FMO2: variants seen among roughly 807,000 people sequenced by gnomAD.
FMO2 encodes the protein flavin containing dimethylaniline monoxygenase 2, also known as flavin-containing monooxygenase 2.
A neutral mutation model predicts 41.6 loss-of-function variants in FMO2; 33 were observed. The observed-to-expected ratio is 0.79, with a 90% CI of 0.60 to 1.06. The LOEUF (loss-of-function observed/expected upper bound fraction) is 1.06. Ranked by LOEUF, FMO2 falls within the 50% of genes least tolerant of loss-of-function variation. FMO2 has a pLI of 0.00. For synonymous variants in FMO2, 214 were observed against 219.6 expected, an observed-to-expected ratio of 0.97 and a Z score of 0.23; for missense variants, 619 against 632.9, an observed-to-expected ratio of 0.98 and a Z score of 0.23.
Position 171,205,369 on chromosome 1 carries a change from C to G in FMO2, c.918C>G (p.Leu306=). Residue 306 remains leucine, a synonymous_variant, in exon 7 of 9, where the codon CTC becomes CTG. Transcript: ENST00000209929. The stretch of plus-strand genomic sequence containing the variant: ...AGGTGAAATCTACAGTGAAAGAGCT[C>G]ACAGAAACTTCTGCCATCTTTGAGG... ...AIKVKSTVKE[L]TETSAIFEDG... 1 of 1,613,806 alleles carries G rather than the reference C, an allele frequency of 6.2e-7. No homozygotes were observed. The highest frequency in any genetic ancestry group is 8.5e-7 in the Non-Finnish European group (1 of 1,179,830).
intron 8 of FMO2, among the ~76,000 whole-genome samples, chr1:171,208,107 C>G (rs1658839080): frequency 6.6e-6 from 1 of 152,168 alleles, no homozygotes. Flanking sequence ...TCTCAAGCCA[C>G]CTACACTCTG....
At position 171,205,534 on chromosome 1, in the gene FMO2, G is replaced by A. The variant is rs151070773; in HGVS notation, c.1083G>A (p.Leu361=). 2.5e-4 allele frequency: 411 copies of A among 1,613,696 alleles called. No homozygotes were observed. The highest frequency in any genetic ancestry group is 3.0e-4 in the Non-Finnish European group (358 of 1,179,860). Residue 361 remains leucine (L), a synonymous_variant, in exon 7 of 9, where the codon CTG becomes CTA. Transcript: ENST00000209929. Reference sequence around the variant, plus strand: ...ATAAATACATATTCCCCGCTCACCTGGACAAGTCAACCCTCGCGTGCATTG... The same window carrying A: ...ATAAATACATATTCCCCGCTCACCTAGACAAGTCAACCCTCGCGTGCATTG... ...SLYKYIFPAH[L]DKSTLACIGL... is the part of the protein sequence containing the mutation.
chr1:171,209,784 A>G lies in FMO2; in HGVS notation c.*639A>G, dbSNP rs1658909027. 2.6e-5 allele frequency: 4 copies of G among 152,350 alleles called. No homozygotes were observed. The South Asian group carries it at 8.3e-4, about 32-fold the overall frequency. The allele number at this position is 152,350 out of a possible 1,614,324, so 9.4% of individuals were successfully genotyped here. On this transcript the variant is annotated 3_prime_UTR_variant, in exon 9 of 9. Coordinates refer to ENST00000209929, the MANE Select transcript of FMO2 (RefSeq NM_001460.5). ...CTGGAAAAATTAAAATTAAAATGCCATAATAGCTACCTAACAAATATATAT... is the reference window on the plus strand; with the variant it reads ...CTGGAAAAATTAAAATTAAAATGCCGTAATAGCTACCTAACAAATATATAT...
intron 3 of FMO2, among the ~76,000 whole-genome samples, chr1:171,193,754 T>G (rs1399687390): frequency 6.6e-6 from 1 of 151,072 alleles, no homozygotes; most frequent in Non-Finnish European, 1.5e-5. Context: ...AAGGTTTGAA[T>G]AATAATATAT....
Position 171,199,499 on chromosome 1 carries a change from C to G in FMO2, c.627+11C>G. ...AAGAATGCTGCTCAGGTGTGATGCT[C>G]TCTGCTTACCATGTACCTGGAGGGG... On this transcript the variant is annotated intron_variant, in intron 5 of 8. Transcript: ENST00000209929. 1.3e-6 allele frequency: 2 copies of G among 1,589,102 alleles called. No homozygotes were observed. The highest frequency in any genetic ancestry group is 8.6e-7 in the Non-Finnish European group (1 of 1,169,380).
Position 171,199,234 on chromosome 1 carries a change from G to A in FMO2, c.485-112G>A, listed in dbSNP as rs376984245. 4.4e-5 allele frequency: 48 copies of A among 1,096,522 alleles called. No homozygotes were observed. The African/African-American group carries it at 6.9e-4, about 16-fold the overall frequency. The allele number at this position is 1,096,522 out of a possible 1,614,324, so 67.9% of individuals were successfully genotyped here. A position where few individuals can be genotyped will look rare whatever the true frequency, so the allele number is the denominator to read the frequency against. ...TGTGCTTTACTCCTATAGAGAAGAG[G>A]CAAAACAAATTATTAACTCCAGAAA... On this transcript the variant is annotated intron_variant, in intron 4 of 8. Transcript: ENST00000209929.
chr1:171,205,805 A>G (rs1658739244), intron 7 of FMO2, among the ~76,000 whole-genome samples, 171 bp downstream of exon 7: 1 of 152,214 alleles, frequency 6.6e-6, no homozygotes. Flanking sequence ...AAAGAATAAC[A>G]AATACAGGAA....
intron 3 of FMO2, 83 bp downstream of exon 3, chr1:171,193,606 A>T: frequency 2.2e-6 from 2 of 904,022 alleles, no homozygotes; most frequent in East Asian, 5.1e-5. Context: ...TAATGAAAGC[A>T]ATTATGAATG....
At chr1:171,205,006 G>A (rs1021474616) in intron 6 of FMO2, among the ~76,000 whole-genome samples, 3 of 152,052 alleles carry the variant, frequency 2.0e-5, no homozygotes, top group African/African-American at 7.2e-5. Flanking sequence ...ATAGGCACAG[G>A]CATTTTGTCT....
intron 7 of FMO2, among the ~76,000 whole-genome samples, chr1:171,206,019 T>C (rs28369901): frequency 2.0e-4 from 31 of 152,178 alleles, no homozygotes; most frequent in Admixed American, 5.2e-4. Context: ...CTCTTAATAC[T>C]TGAGCAGCTC....
intron 2 of FMO2, chr1:171,188,913 G>A (rs1039004080): frequency 2.0e-5 from 3 of 152,200 alleles, no homozygotes; most frequent in East Asian, 1.9e-4. Flanking sequence ...TCTGTTTCCA[G>A]CAACGGGAAG....
At chr1:171,196,002 G>A (rs935138491) in intron 3 of FMO2, among the ~76,000 whole-genome samples, 6 of 152,182 alleles carry the variant, frequency 3.9e-5, no homozygotes, top group African/African-American at 1.2e-4. Flanking sequence ...TACATAAAAC[G>A]TTCCTGACAT....
Position 171,209,127 on chromosome 1 carries a change from C to A in FMO2, c.1590C>A (p.Cys530Ter). 1.6e-6 allele frequency: 1 copy of A among 640,532 alleles called. No homozygotes were observed. The highest frequency in any genetic ancestry group is 2.6e-6 in the Non-Finnish European group (1 of 378,284). The allele number at this position is 640,532 out of a possible 1,614,324, so 39.7% of individuals were successfully genotyped here. ...GLLAVVVAFF[C>*]QLQWS ...TTGCTGTTGTTGTGGCCTTTTTTTG[C>A]CAACTTCAATGGTCCTAGTCAGCAT... is the stretch of plus-strand genomic sequence containing the variant. Residue 530 changes from cysteine (C) to a stop codon, truncating the protein, a stop_gained, in exon 9 of 9, where the codon TGC becomes TGA. Transcript: ENST00000209929. LOFTEE classifies it high-confidence loss of function.
intron 4 of FMO2, among the ~76,000 whole-genome samples, chr1:171,197,268 CA>C (rs1658343886): frequency 1.3e-5 from 2 of 152,234 alleles, no homozygotes; most frequent in South Asian, 4.1e-4. Flanking sequence ...CTGGTCCACC[CA>C]AGTCTTTCCT....
intron 2 of FMO2, among the ~76,000 whole-genome samples, chr1:171,188,039 T>A (rs1013901572): frequency 5.6e-4 from 65 of 116,760 alleles, no homozygotes; most frequent in African/African-American, 2.7e-3. Flanking sequence ...AATTTTTTTT[T>A]TTTTTTTTTT....
chr1:171,207,148 C>T (rs1224829782), intron 7 of FMO2, among the ~76,000 whole-genome samples: 1 of 152,056 alleles, frequency 6.6e-6, no homozygotes, highest in Non-Finnish European at 1.5e-5. Context: ...TCAACACATC[C>T]AAAGCTCAGG....
At chr1:171,196,855 G>T in intron 4 of FMO2, 44 bp downstream of exon 4, 1 of 1,579,974 alleles carries the variant, frequency 6.3e-7, no homozygotes. Context: ...TAGGTTTCCA[G>T]GTACTTTATA....
Position 171,205,594 on chromosome 1 carries a change from T to C in FMO2, c.1143T>C (p.Thr381=). The C allele has an allele frequency of 1.2e-6, 2 of 1,612,896 alleles. No homozygotes were observed. Among genetic ancestry groups the C allele is most frequent in the Non-Finnish European group, 1.7e-6 (2 of 1,179,482 alleles). ...LIQPLGSIFP[T]AELQARWVTR... ...AGCCCCTAGGTTCCATTTTCCCAACTGCTGAACTTCAAGCTCGTTGGGTGA... is the reference window on the plus strand; with the variant it reads ...AGCCCCTAGGTTCCATTTTCCCAACCGCTGAACTTCAAGCTCGTTGGGTGA... Residue 381 remains threonine (T), a synonymous_variant, in exon 7 of 9, where the codon ACT becomes ACC. Coordinates refer to ENST00000209929, the MANE Select transcript of FMO2 (RefSeq NM_001460.5).
At chr1:171,190,226 C>G (rs1004583269) in intron 2 of FMO2, among the ~76,000 whole-genome samples, 1 of 152,082 alleles carries the variant, frequency 6.6e-6, no homozygotes, top group Non-Finnish European at 1.5e-5. Flanking sequence ...GTCATGAAGT[C>G]AAACATAAAC....
Sources: gnomAD v4.1 joint callset for allele counts (sites outside exome capture counted in the v4.1 genomes callset) on GRCh38, gnomAD v4.1.1 for gene constraint, MANE v1.5 for transcripts, NCBI Gene and HGNC (gene_info 2026-07-23, HGNC 2026-07-21) for gene names.